LAMB3: variants seen among roughly 807,000 people sequenced by gnomAD.
LAMB3 encodes the protein laminin subunit beta-3.
In LAMB3, 104 loss-of-function variants were observed where a neutral mutation model predicts 140.3. The observed-to-expected ratio is 0.74, with a 90% CI of 0.63 to 0.87. LAMB3 has a LOEUF of 0.87. LAMB3 is among the 40% of genes least tolerant of loss of function. The probability of loss-of-function intolerance (pLI) is 0.00; values close to 1 mark genes in which losing one functional copy is unlikely to be tolerated. For synonymous variants in LAMB3, 592 were observed against 602.9 expected, an observed-to-expected ratio of 0.98 and a Z score of 0.26; for missense variants, 1,531 against 1,575.2, an observed-to-expected ratio of 0.97 and a Z score of 0.47.
At chr1:209,624,864 G>A (rs1441801724) in intron 14 of LAMB3, among the ~76,000 whole-genome samples, 9 of 134,150 alleles carry the variant, frequency 6.7e-5, no homozygotes. Flanking sequence ...ATTATGTAAA[G>A]AGAAAGAAAG....
intron 12 of LAMB3, 85 bp downstream of exon 12, chr1:209,627,288 AGGCCTAGAAG>A: frequency 1.0e-6 from 1 of 1,001,378 alleles, no homozygotes; most frequent in Non-Finnish European, 1.5e-6. Flanking sequence ...GACAGGGGAG[AGGCCTAGAAG>A]GGCAGCATGG....
rs763338054 is a variant in LAMB3, at chr1:209,632,675, G to C, written c.730C>G (p.Leu244Val). The change falls in exon 8 of 23, where the codon CTC becomes GTC. Residue 244 changes from leucine (L) to valine (V), a missense_variant. Coordinates refer to ENST00000356082, the MANE Select transcript of LAMB3 (RefSeq NM_000228.3). The stretch of plus-strand genomic sequence containing the variant: ...CAGAAGCAGCTCCCCTGCAGACGGA[G>C]CTGGGACACAGCATAGTAGGCGCTG... The part of the protein sequence containing the change: ...PPSAYYAVSQ[L>V]RLQGSCFCHG... 1 of 1,614,102 alleles carries C rather than the reference G, an allele frequency of 6.2e-7. No individual in the cohort carries two copies. The highest frequency in any genetic ancestry group is 8.5e-7 in the Non-Finnish European group (1 of 1,180,042).
chr1:209,651,130 G>A, intron 1 of LAMB3, 149 bp from the exon 2 acceptor site: 1 of 673,962 alleles, frequency 1.5e-6, no homozygotes, highest in Non-Finnish European at 2.8e-6. Flanking sequence ...AGATACATTT[G>A]TAGCTTGGAA....
At chr1:209,645,675 C>T (rs2076510582) in intron 3 of LAMB3, among the ~76,000 whole-genome samples, 1 of 149,860 alleles carries the variant, frequency 6.7e-6, no homozygotes, top group Non-Finnish European at 1.5e-5. Context: ...GAGATCATGC[C>T]ACTGTACTCC....
intron 18 of LAMB3, among the ~76,000 whole-genome samples, chr1:209,619,417 G>A (rs370618636): frequency 1.6e-4 from 25 of 152,322 alleles, no homozygotes; most frequent in East Asian, 1.5e-3. Context: ...CCTCATGTGC[G>A]TAGAGTGAAT....
intron 3 of LAMB3, among the ~76,000 whole-genome samples, chr1:209,641,878 G>T (rs1177596702): frequency 6.6e-6 from 1 of 152,130 alleles, no homozygotes; most frequent in African/African-American, 2.4e-5. Context: ...AGCCTCTCAG[G>T]AACAAACTTT....
At chr1:209,619,005 C>A (rs1666095670) in intron 18 of LAMB3, among the ~76,000 whole-genome samples, 1 of 152,216 alleles carries the variant, frequency 6.6e-6, no homozygotes, top group Admixed American at 6.5e-5. Flanking sequence ...GCAGCACATG[C>A]ACAATCAGCC....
intron 18 of LAMB3, 60 bp from the exon 19 acceptor site, chr1:209,618,719 C>G (rs960102908): frequency 6.6e-6 from 10 of 1,518,092 alleles, no homozygotes; most frequent in African/African-American, 4.1e-5. Context: ...GATACGAGGC[C>G]TCTCCTAGCT....
intron 18 of LAMB3, among the ~76,000 whole-genome samples, chr1:209,621,327 C>T (rs1666184443): frequency 6.6e-6 from 1 of 152,206 alleles, no homozygotes; most frequent in African/African-American, 2.4e-5. Context: ...CCTACATCCC[C>T]AGGTAATATT....
At chr1:209,630,807 C>T (rs1248966703) in intron 8 of LAMB3, 72 bp from the exon 9 acceptor site, 13 of 1,531,892 alleles carry the variant, frequency 8.5e-6, no homozygotes, top group Non-Finnish European at 1.1e-5. Flanking sequence ...TGCCCACTGC[C>T]CTCTGACCCT....
At chr1:209,639,783 C>T (rs2076449813) in intron 3 of LAMB3, among the ~76,000 whole-genome samples, 1 of 152,056 alleles carries the variant, frequency 6.6e-6, no homozygotes, top group African/African-American at 2.4e-5. Context: ...TTAAACCATA[C>T]TGTCCAGAGG....
chr1:209,630,056 AG>A (rs1666623820), intron 9 of LAMB3, 131 bp from the exon 10 acceptor site: 3 of 827,796 alleles, frequency 3.6e-6, no homozygotes, highest in Non-Finnish European at 6.1e-6. Context: ...GGGGAAACTG[AG>A]GGCAAGGGAG....
chr1:209,632,897 C>T (rs1041896600), intron 7 of LAMB3, 121 bp from the exon 8 acceptor site: 3 of 1,094,192 alleles, frequency 2.7e-6, no homozygotes, highest in African/African-American at 3.1e-5. Flanking sequence ...CAGACCTCAA[C>T]CATCCCATAG....
chr1:209,641,477 G>C (rs1270036667), intron 3 of LAMB3, among the ~76,000 whole-genome samples: 1 of 152,220 alleles, frequency 6.6e-6, no homozygotes, highest in East Asian at 1.9e-4. Context: ...GCATCAGAAA[G>C]GGTCCCTCTC....
Position 209,637,831 on chromosome 1 carries a change from C to A in LAMB3, c.372+77G>T. 2.6e-6 allele frequency: 3 copies of A among 1,151,338 alleles called. No individual in the cohort carries two copies. In the Admixed American group the frequency reaches 5.7e-5, roughly 22 times the overall value. 71.3% of individuals were successfully genotyped at this position (1,151,338 alleles called of 1,614,324 possible). Reference sequence around the variant, plus strand: ...GCCCCAACCCAGAGAGACAAGGACACTGTGCTCCTCCATGGCTCCACGCCC... The same window carrying A: ...GCCCCAACCCAGAGAGACAAGGACAATGTGCTCCTCCATGGCTCCACGCCC... On this transcript the variant is annotated intron_variant, in intron 5 of 22. Coordinates refer to ENST00000356082, the MANE Select transcript of LAMB3 (RefSeq NM_000228.3).
At chr1:209,624,107 T>C in intron 14 of LAMB3, 107 bp from the exon 15 acceptor site, 1 of 970,112 alleles carries the variant, frequency 1.0e-6, no homozygotes, top group Admixed American at 2.3e-5. Flanking sequence ...AACAGAGACC[T>C]TGGGCAAAGG....
intron 10 of LAMB3, among the ~76,000 whole-genome samples, 170 bp from the exon 11 acceptor site, chr1:209,628,360 A>G (rs148598305): frequency 6.6e-6 from 1 of 152,340 alleles, no homozygotes; most frequent in East Asian, 1.9e-4. Context: ...TTGTCTATAA[A>G]ATAAAAATAA....
chr1:209,638,144 T>C (rs971921551), intron 4 of LAMB3, among the ~76,000 whole-genome samples, 163 bp from the exon 5 acceptor site: 1 of 152,242 alleles, frequency 6.6e-6, no homozygotes, highest in Non-Finnish European at 1.5e-5. Flanking sequence ...TTTCTGCTTA[T>C]ATTATCTATT....
At chr1:209,616,706 C>A in intron 21 of LAMB3, 82 bp from the exon 22 acceptor site, 2 of 1,351,560 alleles carry the variant, frequency 1.5e-6, no homozygotes, top group South Asian at 1.2e-5. Context: ...TGATATCACC[C>A]AAATCAATAC....
Sources: allele counts gnomAD v4.1 joint callset (sites outside exome capture counted in the v4.1 genomes callset), GRCh38; gene constraint gnomAD v4.1.1; transcripts MANE v1.5; gene names NCBI Gene and HGNC (gene_info 2026-07-23, HGNC 2026-07-21).